The following EXOC6B variants were observed in gnomAD, a reference collection of about 807,000 sequenced individuals.
EXOC6B encodes exocyst complex component 6B, also known as SEC15 homolog B.
In EXOC6B, 54 loss-of-function variants were observed where a neutral mutation model predicts 113.5. That is an observed-to-expected ratio of 0.48 (90% CI 0.38 to 0.60). The LOEUF (loss-of-function observed/expected upper bound fraction) is 0.60, where lower values mean the gene tolerates loss of function less well. EXOC6B is among the 20% of genes least tolerant of loss of function. EXOC6B has a pLI of 0.00. For missense variants in EXOC6B, 797 were observed against 977.5 expected, an observed-to-expected ratio of 0.82 and a Z score of 2.46; for synonymous variants, 357 against 339.0, an observed-to-expected ratio of 1.05 and a Z score of -0.58.
chr2:72,269,491 G>A (rs1684342845), intron 20 of EXOC6B, among the ~76,000 whole-genome samples: 3 of 152,158 alleles, frequency 2.0e-5, no homozygotes. Flanking sequence ...AAGGTCACTG[G>A]AGACAGCAGG....
chr2:72,562,328 A>AG (rs1703935186), intron 7 of EXOC6B, among the ~76,000 whole-genome samples: 1 of 152,220 alleles, frequency 6.6e-6, no homozygotes, highest in South Asian at 2.1e-4. Flanking sequence ...AAGAAAATGT[A>AG]GTTTTTCCCT....
chr2:72,546,963 C>A (rs918691333), intron 8 of EXOC6B, among the ~76,000 whole-genome samples: 5 of 152,240 alleles, frequency 3.3e-5, no homozygotes, highest in Non-Finnish European at 5.9e-5. Context: ...TAACTCTGTA[C>A]TTCCCTTTAG....
At chr2:72,404,058 T>C (rs1290166714) in intron 18 of EXOC6B, among the ~76,000 whole-genome samples, 1 of 152,160 alleles carries the variant, frequency 6.6e-6, no homozygotes, top group Admixed American at 6.5e-5. Context: ...CACCAGGAGA[T>C]TATATCCTGC....
intron 18 of EXOC6B, among the ~76,000 whole-genome samples, chr2:72,459,747 G>A (rs1378851099): frequency 6.6e-6 from 1 of 152,144 alleles, no homozygotes; most frequent in South Asian, 2.1e-4. Context: ...TCATGGGTGG[G>A]AAGAATGAAT....
intron 11 of EXOC6B, among the ~76,000 whole-genome samples, chr2:72,512,582 C>A (rs1558749002): frequency 1.1e-4 from 17 of 151,054 alleles, no homozygotes; most frequent in Non-Finnish European, 1.5e-5. Flanking sequence ...ATGTTATGAA[C>A]TTTTTTTTTC....
chr2:72,511,523 T>C (rs1700893596), intron 11 of EXOC6B, among the ~76,000 whole-genome samples: 1 of 152,188 alleles, frequency 6.6e-6, no homozygotes, highest in Non-Finnish European at 1.5e-5. Context: ...TTGCCTGGAA[T>C]ACTAGACTAG....
intron 18 of EXOC6B, among the ~76,000 whole-genome samples, chr2:72,453,803 A>C (rs964479119): frequency 9.9e-5 from 15 of 152,192 alleles, no homozygotes; most frequent in Non-Finnish European, 1.8e-4. Context: ...TCATCTTTTA[A>C]ACGTATTGTA....
intron 8 of EXOC6B, among the ~76,000 whole-genome samples, chr2:72,555,742 A>T (rs1295124048): frequency 6.6e-6 from 1 of 152,016 alleles, no homozygotes; most frequent in Non-Finnish European, 1.5e-5. Flanking sequence ...CACATCCCAG[A>T]TTCAAACAAT....
At chr2:72,348,647 T>TA (rs1689471636) in intron 19 of EXOC6B, among the ~76,000 whole-genome samples, 1 of 152,288 alleles carries the variant, frequency 6.6e-6, no homozygotes, top group African/African-American at 2.4e-5. Flanking sequence ...AGTTTCAGGA[T>TA]AAAAACTCTC....
At chr2:72,617,725 C>A (rs1188131136) in intron 6 of EXOC6B, among the ~76,000 whole-genome samples, 1 of 151,674 alleles carries the variant, frequency 6.6e-6, no homozygotes, top group African/African-American at 2.4e-5. Flanking sequence ...AGGTTGGCCA[C>A]AGTGGTCTCA....
chr2:72,401,650 T>TATATATATATAC (rs1693321325), intron 18 of EXOC6B, among the ~76,000 whole-genome samples: 1 of 71,042 alleles, frequency 1.4e-5, no homozygotes, highest in African/African-American at 1.1e-4. Flanking sequence ...TATATACATA[T>TATATATATATAC]ATATATATAT....
At chr2:72,586,518 C>T (rs553716611) in intron 6 of EXOC6B, among the ~76,000 whole-genome samples, 11 of 152,114 alleles carry the variant, frequency 7.2e-5, no homozygotes, top group Non-Finnish European at 1.3e-4. Flanking sequence ...TTTGGGAGGC[C>T]GAGGTGGGCA....
At chr2:72,732,789 G>A (rs1332601816) in intron 3 of EXOC6B, among the ~76,000 whole-genome samples, 1 of 152,042 alleles carries the variant, frequency 6.6e-6, no homozygotes, top group African/African-American at 2.4e-5. Flanking sequence ...ATTTGAAGAA[G>A]GTGAATATTG....
At chr2:72,505,055 T>A (rs1009535344) in intron 11 of EXOC6B, among the ~76,000 whole-genome samples, 2 of 152,338 alleles carry the variant, frequency 1.3e-5, no homozygotes, top group Admixed American at 1.3e-4. Context: ...ATTTTCCTAC[T>A]CTTTTGTGAG....
At chr2:72,642,669 A>C (rs1352239675) in intron 6 of EXOC6B, among the ~76,000 whole-genome samples, 59 of 149,164 alleles carry the variant, frequency 4.0e-4, no homozygotes, top group African/African-American at 1.4e-3. Flanking sequence ...CCCTAGAAGA[A>C]AACCTAGGCA....
chr2:72,447,023 G>C (rs1337610359), intron 18 of EXOC6B, among the ~76,000 whole-genome samples: 14 of 151,856 alleles, frequency 9.2e-5, no homozygotes, highest in Non-Finnish European at 1.8e-4. Context: ...AGAATCGTTT[G>C]AACCAGGGAG....
intron 17 of EXOC6B, among the ~76,000 whole-genome samples, chr2:72,470,369 C>A (rs1321836052): frequency 6.6e-6 from 1 of 151,984 alleles, no homozygotes; most frequent in African/African-American, 2.4e-5. Context: ...TTCTTGATTT[C>A]TTTTTTACTG....
In EXOC6B at chr2:72,496,548, T is replaced by C; in HGVS notation, c.1349A>G (p.Asp450Gly). ...TGGTATAGGACTGTAGTTGTCAGAA[T>C]CAAGTATGTTTCTATAAATGGAAGG... is the stretch of plus-strand genomic sequence containing the variant. ...KWAGIFRNIL[D>G]SDNYSPIPVT... Residue 450 changes from aspartate to glycine, a missense_variant, in exon 14 of 22, where the codon GAT becomes GGT. Asp to Gly is a moderately conservative substitution (Grantham distance 94). Transcript: ENST00000272427. The C allele has an allele frequency of 6.3e-7, 1 of 1,580,068 alleles. No individual in the cohort carries two copies.
chr2:72,300,556 T>C (rs1378131710), intron 20 of EXOC6B, among the ~76,000 whole-genome samples: 1 of 152,180 alleles, frequency 6.6e-6, no homozygotes, highest in Non-Finnish European at 1.5e-5. Context: ...GCGTTCCAGG[T>C]GCCACTGGGG....
Sources: allele counts gnomAD v4.1 joint callset (sites outside exome capture counted in the v4.1 genomes callset), GRCh38; gene constraint gnomAD v4.1.1; transcripts MANE v1.5; gene names NCBI Gene and HGNC (gene_info 2026-07-23, HGNC 2026-07-21).